C1QTNF3: variants seen among roughly 807,000 people sequenced by gnomAD.
The protein encoded by C1QTNF3 is complement C1q tumor necrosis factor-related protein 3.
C1QTNF3 carries 26 observed loss-of-function variants against 32.6 expected under a neutral mutation model. The ratio of observed to expected loss-of-function variants is 0.80; its 90% CI spans 0.58 to 1.11. The LOEUF is 1.11. C1QTNF3 is among the 50% of genes least tolerant of loss of function. The probability of loss-of-function intolerance (pLI) is 0.00; values close to 1 mark genes in which losing one functional copy is unlikely to be tolerated. For synonymous variants in C1QTNF3, 155 were observed against 146.0 expected (o/e 1.06, Z -0.44); for missense variants, 362 against 398.2 (o/e 0.91, Z 0.77).
chr5:34,065,319 A>C, the C1QTNF3 span, among the ~76,000 whole-genome samples: 1 of 152,192 alleles, frequency 6.6e-6, no homozygotes, highest in Non-Finnish European at 1.5e-5. Flanking sequence ...GAAAAATGCA[A>C]ATCAAAACCA....
chr5:34,070,908 G>A, the C1QTNF3 span, among the ~76,000 whole-genome samples: 3 of 152,144 alleles, frequency 2.0e-5, no homozygotes, highest in Non-Finnish European at 4.4e-5. Context: ...GTCAGATGGT[G>A]TTGTGCCCTT....
chr5:34,158,256 G>C, the C1QTNF3 span: 1 of 152,076 alleles, frequency 6.6e-6, no homozygotes, highest in Non-Finnish European at 1.5e-5. Context: ...ACAGGTGCAT[G>C]CCACCATGCC....
chr5:34,234,754 T>C, the C1QTNF3 span, among the ~76,000 whole-genome samples: 3 of 152,176 alleles, frequency 2.0e-5, no homozygotes, highest in African/African-American at 4.8e-5. Flanking sequence ...CTGTGGCTCA[T>C]AGATTTACTT....
At chr5:34,127,371 G>A in the C1QTNF3 span, among the ~76,000 whole-genome samples, 6 of 151,932 alleles carry the variant, frequency 3.9e-5, no homozygotes, top group African/African-American at 1.2e-4. Flanking sequence ...ATAAAGTCCC[G>A]GCTGAGGTAG....
the C1QTNF3 span, among the ~76,000 whole-genome samples, chr5:34,186,662 G>A: frequency 2.1e-4 from 32 of 151,564 alleles, no homozygotes; most frequent in African/African-American, 7.4e-4. Context: ...GACTATAAGT[G>A]TGTACCACAG....
chr5:34,028,670 C>T, intron 4 of C1QTNF3, 84 bp downstream of exon 4: 1 of 1,184,964 alleles, frequency 8.4e-7, no homozygotes, highest in Non-Finnish European at 1.1e-6. Context: ...TTCTCCGTCC[C>T]TCCCTCTCTT....
chr5:34,025,393 G>GA (rs768941534), intron 4 of C1QTNF3, among the ~76,000 whole-genome samples: 4 of 152,170 alleles, frequency 2.6e-5, no homozygotes, highest in Non-Finnish European at 5.9e-5. Context: ...AAACATGTTA[G>GA]AAAGAGGAGA....
chr5:34,071,331 T>C, the C1QTNF3 span, among the ~76,000 whole-genome samples: 2 of 152,218 alleles, frequency 1.3e-5, no homozygotes, highest in African/African-American at 4.8e-5. Flanking sequence ...CTATCTAAAC[T>C]TTTTTGATTA....
chr5:34,180,878 G>A, the C1QTNF3 span, among the ~76,000 whole-genome samples: 1 of 152,402 alleles, frequency 6.6e-6, no homozygotes, highest in South Asian at 2.1e-4. Context: ...CACCTGAGGC[G>A]ATTCTCCTGC....
the C1QTNF3 span, among the ~76,000 whole-genome samples, chr5:34,143,439 C>T: frequency 6.6e-6 from 1 of 152,082 alleles, no homozygotes; most frequent in African/African-American, 2.4e-5. Flanking sequence ...GCATTCTGGC[C>T]AGATGCTGTA....
chr5:34,047,859 G>A (rs6898170), upstream of C1QTNF3, among the ~76,000 whole-genome samples: 64,670 of 151,976 alleles, frequency 0.43, 15,685 homozygotes, highest in Non-Finnish European at 0.55. Flanking sequence ...TGTTCAGAAA[G>A]GGGACATTGC....
chr5:34,169,024 C>T, the C1QTNF3 span: 1 of 152,120 alleles, frequency 6.6e-6, no homozygotes, highest in African/African-American at 2.4e-5. Flanking sequence ...TCCCTATTCC[C>T]ACCTTCGGTT....
chr5:34,040,640 A>G (rs561743246), intron 1 of C1QTNF3, among the ~76,000 whole-genome samples: 1 of 152,230 alleles, frequency 6.6e-6, no homozygotes, highest in Admixed American at 6.5e-5. Context: ...CTATGAACAA[A>G]CAAAACCTAG....
the C1QTNF3 span, among the ~76,000 whole-genome samples, chr5:34,077,003 T>C: frequency 6.6e-6 from 1 of 151,738 alleles, no homozygotes; most frequent in Non-Finnish European, 1.5e-5. Flanking sequence ...AATGGGGTCA[T>C]GCAATGTCTT....
chr5:34,094,024 G>A, the C1QTNF3 span, among the ~76,000 whole-genome samples: 1 of 152,160 alleles, frequency 6.6e-6, no homozygotes, highest in African/African-American at 2.4e-5. Context: ...GAGCAATCCT[G>A]CATCACCAGG....
chr5:34,226,288 G>A, the C1QTNF3 span, among the ~76,000 whole-genome samples: 4 of 151,946 alleles, frequency 2.6e-5, no homozygotes, highest in African/African-American at 4.8e-5. Flanking sequence ...AAGCTATTGT[G>A]AGGGCTCTTT....
the C1QTNF3 span, among the ~76,000 whole-genome samples, chr5:34,174,458 G>C: frequency 6.6e-6 from 1 of 152,300 alleles, no homozygotes; most frequent in Admixed American, 6.5e-5. Context: ...GCAGAGAAGA[G>C]TTTCTTGTTC....
the C1QTNF3 span, among the ~76,000 whole-genome samples, chr5:34,122,191 C>T: frequency 5.9e-5 from 9 of 152,216 alleles, no homozygotes; most frequent in East Asian, 1.2e-3. Context: ...AAAAGAGTTT[C>T]AAAGTGCATG....
chr5:34,023,932 G>T lies in C1QTNF3; in HGVS notation c.777C>A (p.Gly259=), dbSNP rs768477510. 6.2e-7 allele frequency: 1 copy of T among 1,614,026 alleles called. No homozygotes were observed. Among genetic ancestry groups the T allele is most frequent in the South Asian group, 1.1e-5 (1 of 91,074 alleles). ...EEVYVYLMHN[G]NTVFSMYSYE... ...ACCTGTACATGCTGAAGACTGTGTTGCCATTGTGCATAAGGTACACATACA... is the reference window on the plus strand; with the variant it reads ...ACCTGTACATGCTGAAGACTGTGTTTCCATTGTGCATAAGGTACACATACA... The change falls in exon 5 of 6, where the codon GGC becomes GGA. Residue 259 remains glycine (G), a synonymous_variant. Coordinates refer to ENST00000382065, the MANE Select transcript of C1QTNF3 (RefSeq NM_181435.6).
Sources: allele counts gnomAD v4.1 joint callset (sites outside exome capture counted in the v4.1 genomes callset), GRCh38; gene constraint gnomAD v4.1.1; transcripts MANE v1.5; gene names NCBI Gene and HGNC (gene_info 2026-07-23, HGNC 2026-07-21).